CRYBG1: variants seen among roughly 807,000 people sequenced by gnomAD.
CRYBG1 encodes beta/gamma crystallin domain-containing protein 1.
A neutral mutation model predicts 189.2 loss-of-function variants in CRYBG1; 139 were observed. That is an observed-to-expected ratio of 0.73 (90% CI 0.64 to 0.85). The LOEUF is 0.85. Among genes scored for constraint, CRYBG1 ranks in the 40% least tolerant of loss-of-function variants. The pLI is 0.00. For synonymous variants in CRYBG1, 1,023 were observed against 1,017.1 expected, an observed-to-expected ratio of 1.01 and a Z score of -0.11; for missense variants, 2,611 against 2,675.8, an observed-to-expected ratio of 0.98 and a Z score of 0.53.
intron 2 of CRYBG1, among the ~76,000 whole-genome samples, chr6:106,483,246 A>T (rs1207844986): frequency 2.0e-5 from 3 of 151,692 alleles, no homozygotes; most frequent in East Asian, 3.9e-4. Flanking sequence ...AGGTCATGTG[A>T]TATTTGTCCT....
chr6:106,462,256 C>T (rs11152993), intron 2 of CRYBG1, among the ~76,000 whole-genome samples: 11,613 of 152,148 alleles, frequency 0.076, 700 homozygotes, highest in East Asian at 0.24. Context: ...CTGCAAGCTC[C>T]GCCTCCCGGG....
At chr6:106,528,399 GAT>G (rs1426307027) in intron 7 of CRYBG1, among the ~76,000 whole-genome samples, 1 of 152,124 alleles carries the variant, frequency 6.6e-6, no homozygotes, top group East Asian at 1.9e-4. Context: ...TGTTTAAAAA[GAT>G]CATCTGATTC....
At chr6:106,509,431 A>G (rs72939427) in intron 2 of CRYBG1, among the ~76,000 whole-genome samples, 4,939 of 152,328 alleles carry the variant, frequency 0.032, 115 homozygotes, top group Non-Finnish European at 0.05. Flanking sequence ...TATTATTTAT[A>G]TAACCATTGA....
At chr6:106,482,396 T>C (rs1582787908) in intron 2 of CRYBG1, among the ~76,000 whole-genome samples, 1 of 119,780 alleles carries the variant, frequency 8.3e-6, no homozygotes, top group East Asian at 2.9e-4. Flanking sequence ...ATTATGGGAG[T>C]GTCATCCATC....
At chr6:106,477,258 G>T in intron 2 of CRYBG1, among the ~76,000 whole-genome samples, 1 of 152,118 alleles carries the variant, frequency 6.6e-6, no homozygotes, top group East Asian at 1.9e-4. Context: ...TAAATATTTA[G>T]TCTGTATGGG....
chr6:106,468,671 T>C (rs6941959), intron 2 of CRYBG1, among the ~76,000 whole-genome samples: 1 of 151,894 alleles, frequency 6.6e-6, no homozygotes, highest in African/African-American at 2.4e-5. Context: ...GCCTGGGTGA[T>C]AGAGTGAGAC....
rs770363597 is a variant in CRYBG1 at position 106,361,081 on chromosome 6, G to C, written c.173G>C (p.Arg58Thr). The part of the protein sequence containing the change: ...HPLPAPAGEA[R>T]ALDVVDGKYV... The stretch of plus-strand genomic sequence containing the variant: ...CTCCCGGCGCCTGCCGGAGAGGCCA[G>C]GTGAGCTCCTCGCCCGAGCCCTCCA... Residue 58 changes from arginine to threonine, a missense_variant and splice_region_variant, in exon 1 of 22, where the codon AGA (arginine) becomes ACA (threonine). By Grantham distance (71) the Arg-to-Thr change is moderately conservative. Transcript: ENST00000633556. 8 of 1,534,718 alleles carry C rather than the reference G, an allele frequency of 5.2e-6. No individual in the cohort carries two copies. In the South Asian group the frequency reaches 8.3e-5, roughly 16 times the overall value.
chr6:106,402,785 G>A (rs7766038), intron 1 of CRYBG1, among the ~76,000 whole-genome samples: 79,130 of 151,902 alleles, frequency 0.52, 20,932 homozygotes, highest in South Asian at 0.72. Flanking sequence ...AATGACCACC[G>A]AGCCCTTGAT....
chr6:106,466,710 A>C (rs1423124595), intron 2 of CRYBG1, among the ~76,000 whole-genome samples: 1 of 152,256 alleles, frequency 6.6e-6, no homozygotes, highest in African/African-American at 2.4e-5. Context: ...GAAAGGTATC[A>C]GAATCAAGGT....
intron 2 of CRYBG1, among the ~76,000 whole-genome samples, chr6:106,497,791 T>C (rs938039742): frequency 4.6e-5 from 7 of 152,224 alleles, no homozygotes; most frequent in Non-Finnish European, 1.0e-4. Flanking sequence ...ATGCAGGTTC[T>C]TAAGAACTGT....
At chr6:106,428,516 C>T (rs888136918) in intron 1 of CRYBG1, among the ~76,000 whole-genome samples, 17 of 151,948 alleles carry the variant, frequency 1.1e-4, no homozygotes, top group Admixed American at 3.3e-4. Context: ...AAATTTGTAA[C>T]GAGGTTTGCA....
intron 4 of CRYBG1, among the ~76,000 whole-genome samples, chr6:106,521,711 C>CTTTTTTTTTTTTTTTTT (rs397976859): frequency 8.3e-5 from 6 of 72,170 alleles, no homozygotes; most frequent in African/African-American, 2.3e-4. Flanking sequence ...GGCACATGAT[C>CTTTTTTTTTTTTTTTTT]TTTTTTTTTT....
chr6:106,469,617 T>C (rs949044813), intron 2 of CRYBG1, among the ~76,000 whole-genome samples: 5 of 152,214 alleles, frequency 3.3e-5, no homozygotes, highest in Non-Finnish European at 5.9e-5. Context: ...TTTATTGATT[T>C]CAGTTGACAC....
intron 8 of CRYBG1, among the ~76,000 whole-genome samples, chr6:106,531,525 C>A (rs1257993181): frequency 1.3e-5 from 2 of 152,144 alleles, no homozygotes; most frequent in African/African-American, 4.8e-5. Context: ...TGGAAGTGGG[C>A]TGCCTTGTTA....
rs947943301 is a variant in CRYBG1, at chr6:106,530,168, T to C, written c.4579-8T>C. On this transcript the variant is annotated splice_region_variant and splice_polypyrimidine_tract_variant and intron_variant, in intron 7 of 21. Coordinates refer to ENST00000633556, the MANE Select transcript of CRYBG1 (RefSeq NM_001371242.2). Reference sequence around the variant, plus strand: ...ATTCTTACTATCTATGCATCTATATTTTTTCAGGATTACAGAGTTAGTCAC... The same window carrying C: ...ATTCTTACTATCTATGCATCTATATCTTTTCAGGATTACAGAGTTAGTCAC... The C allele has an allele frequency of 6.2e-7, 1 of 1,604,906 alleles. No individual in the cohort carries two copies. Among genetic ancestry groups the C allele is most frequent in the Admixed American group, 1.7e-5 (1 of 58,260 alleles).
chr6:106,525,208 G>C, intron 5 of CRYBG1, 28 bp downstream of exon 5: 1 of 1,613,984 alleles, frequency 6.2e-7, no homozygotes, highest in South Asian at 1.1e-5. Flanking sequence ...TTCTAGTCTT[G>C]ATTCTATTTT....
chr6:106,535,141 C>G (rs1178886514), intron 8 of CRYBG1, among the ~76,000 whole-genome samples: 1 of 152,138 alleles, frequency 6.6e-6, no homozygotes, highest in Non-Finnish European at 1.5e-5. Flanking sequence ...CCCCCGTGGA[C>G]CCACCATCCA....
At chr6:106,409,297 T>C (rs1379518351) in intron 1 of CRYBG1, among the ~76,000 whole-genome samples, 1 of 152,122 alleles carries the variant, frequency 6.6e-6, no homozygotes, top group African/African-American at 2.4e-5. Context: ...ATAAAATACC[T>C]ATGAATACAA....
intron 1 of CRYBG1, among the ~76,000 whole-genome samples, chr6:106,441,887 A>G (rs1003746486): frequency 2.6e-5 from 4 of 152,218 alleles, no homozygotes; most frequent in African/African-American, 9.6e-5. Context: ...ACTAAAAAAT[A>G]TAAGGAAATC....
Sources: allele counts gnomAD v4.1 joint callset (sites outside exome capture counted in the v4.1 genomes callset), GRCh38; gene constraint gnomAD v4.1.1; transcripts MANE v1.5; gene names NCBI Gene and HGNC (gene_info 2026-07-23, HGNC 2026-07-21).